The following CCSER1 variants were observed in gnomAD, a reference collection of about 807,000 sequenced individuals.
CCSER1 encodes the protein serine-rich coiled-coil domain-containing protein 1.
A neutral mutation model predicts 82.0 loss-of-function variants in CCSER1; 41 were observed. The ratio of observed to expected loss-of-function variants is 0.50; its 90% CI spans 0.39 to 0.65. The LOEUF (loss-of-function observed/expected upper bound fraction) is 0.65. Ranked by LOEUF, CCSER1 falls within the 30% of genes least tolerant of loss-of-function variation. The pLI is 0.00. For synonymous variants in CCSER1, 414 were observed against 383.9 expected, an observed-to-expected ratio of 1.08 and a Z score of -0.92; for missense variants, 1,119 against 1,064.2, an observed-to-expected ratio of 1.05 and a Z score of -0.72.
rs1365287049 is a variant in CCSER1 at position 90,933,036 on chromosome 4, GAA to G, written c.2172+9591_2172+9592del. On this transcript the variant is annotated intron_variant, in intron 9 of 10. Coordinates refer to ENST00000509176, the MANE Select transcript of CCSER1 (RefSeq NM_001145065.2). ...AGAAAGAAAGAAAGAAAGAAAGAAA[GAA>G]AGAAAGAGAAGGAAGGAACGAAGGA... is the stretch of plus-strand genomic sequence containing the variant. Among the ~76,000 whole-genome samples the G allele has an allele frequency of 1.5e-4, 14 of 96,252 alleles. 4 individuals carry two copies. The East Asian group carries it at 1.6e-3, about 11-fold the overall frequency. 63.1% of individuals were successfully genotyped at this position (96,252 alleles called of 152,430 possible).
chr4:90,208,896 C>T (rs1739432439), intron 1 of CCSER1, among the ~76,000 whole-genome samples: 1 of 152,186 alleles, frequency 6.6e-6, no homozygotes, highest in Admixed American at 6.5e-5. Context: ...CAAAAATCAC[C>T]TGCCTTCTGC....
At chr4:91,250,529 C>A in intron 10 of CCSER1, among the ~76,000 whole-genome samples, 1 of 150,986 alleles carries the variant, frequency 6.6e-6, no homozygotes, top group Non-Finnish European at 1.5e-5. Flanking sequence ...TTTGGATTCC[C>A]CTAAATTTAG....
At chr4:91,134,112 T>A (rs1262238945) in intron 10 of CCSER1, among the ~76,000 whole-genome samples, 1 of 152,032 alleles carries the variant, frequency 6.6e-6, no homozygotes, top group African/African-American at 2.4e-5. Flanking sequence ...AAAAGAGTAG[T>A]GCTCAAAAAA....
At chr4:90,160,176 T>A (rs940337163) in intron 1 of CCSER1, among the ~76,000 whole-genome samples, 2 of 152,164 alleles carry the variant, frequency 1.3e-5, no homozygotes, top group African/African-American at 4.8e-5. Flanking sequence ...AAAACAGTCC[T>A]TAAGAGGGTG....
intron 10 of CCSER1, among the ~76,000 whole-genome samples, chr4:91,330,079 ACTTTTTTCTAATGTAATT>A (rs1746843271): frequency 6.6e-6 from 1 of 151,806 alleles, no homozygotes; most frequent in Non-Finnish European, 1.5e-5. Flanking sequence ...TTTTGCCTTT[ACTTTTTTCTAATGTAATT>A]CTTCAAGTGT....
chr4:90,848,232 C>T (rs1763440209), intron 8 of CCSER1, among the ~76,000 whole-genome samples: 1 of 152,150 alleles, frequency 6.6e-6, no homozygotes, highest in African/African-American at 2.4e-5. Flanking sequence ...GATTTGTACC[C>T]TGGTTTTGTG....
At chr4:91,162,865 T>TC (rs1445125955) in intron 10 of CCSER1, among the ~76,000 whole-genome samples, 1 of 152,188 alleles carries the variant, frequency 6.6e-6, no homozygotes, top group East Asian at 1.9e-4. Flanking sequence ...ATTTTGTTGA[T>TC]CTTTTCAAAA....
intron 10 of CCSER1, among the ~76,000 whole-genome samples, chr4:91,328,944 T>C: frequency 6.6e-6 from 1 of 152,120 alleles, no homozygotes; most frequent in East Asian, 1.9e-4. Context: ...GGAGTTCCCC[T>C]GCAAAAGCTC....
chr4:91,113,484 A>T lies in CCSER1; in HGVS notation c.2217+27490A>T, dbSNP rs572641147. 1.8e-4 allele frequency among the ~76,000 whole-genome samples: 27 copies of T among 152,334 alleles called. No homozygotes were observed. In the South Asian group the frequency reaches 1.9e-3, roughly 11 times the overall value. On this transcript the variant is annotated intron_variant, in intron 10 of 10. Coordinates refer to ENST00000509176, the MANE Select transcript of CCSER1 (RefSeq NM_001145065.2). ...GTGATTAGTAGGTCATACAGCTAGT[A>T]TGATGTAGAGGTGGGATTTAAATTT...
At chr4:90,182,695 A>AT (rs1209064050) in intron 1 of CCSER1, among the ~76,000 whole-genome samples, 4 of 152,126 alleles carry the variant, frequency 2.6e-5, no homozygotes, top group African/African-American at 9.7e-5. Context: ...GGAAAGGAAA[A>AT]TTTAAGGAAA....
chr4:90,844,079 C>T (rs1477524418), intron 8 of CCSER1, among the ~76,000 whole-genome samples: 9 of 151,560 alleles, frequency 5.9e-5, no homozygotes, highest in African/African-American at 1.9e-4. Context: ...TACCACCATT[C>T]AAATCTCCTT....
At chr4:90,203,618 C>A (rs1229097196) in intron 1 of CCSER1, among the ~76,000 whole-genome samples, 2 of 152,086 alleles carry the variant, frequency 1.3e-5, no homozygotes, top group African/African-American at 4.8e-5. Flanking sequence ...GAGTTGGTTC[C>A]AAGTCTTTGC....
intron 10 of CCSER1, among the ~76,000 whole-genome samples, chr4:91,147,935 T>G (rs1729710402): frequency 6.6e-6 from 1 of 152,234 alleles, no homozygotes. Context: ...TTTCTTAAGA[T>G]GTAATGTTTT....
At chr4:90,352,133 GCTAA>G (rs1436302146) in intron 3 of CCSER1, among the ~76,000 whole-genome samples, 1 of 152,092 alleles carries the variant, frequency 6.6e-6, no homozygotes, top group African/African-American at 2.4e-5. Flanking sequence ...AACCATCCTG[GCTAA>G]CACGGTGAAA....
intron 10 of CCSER1, among the ~76,000 whole-genome samples, chr4:91,095,375 C>T (rs1417318154): frequency 6.6e-6 from 1 of 152,216 alleles, no homozygotes; most frequent in Non-Finnish European, 1.5e-5. Flanking sequence ...TGGAACCCCC[C>T]TTTCCCTGCC....
At chr4:91,042,313 C>G (rs1218574073) in intron 9 of CCSER1, among the ~76,000 whole-genome samples, 2 of 152,124 alleles carry the variant, frequency 1.3e-5, no homozygotes, top group African/African-American at 4.8e-5. Context: ...AAGGAGGTGC[C>G]TTCATTCCCC....
intron 5 of CCSER1, among the ~76,000 whole-genome samples, chr4:90,559,759 G>A (rs1441024280): frequency 1.4e-5 from 2 of 139,962 alleles, no homozygotes; most frequent in African/African-American, 5.6e-5. Flanking sequence ...GCAGTGCGCC[G>A]AGATCGCGCC....
chr4:91,429,924 A>G (rs997853678), intron 10 of CCSER1, among the ~76,000 whole-genome samples: 1 of 151,982 alleles, frequency 6.6e-6, no homozygotes, highest in African/African-American at 2.4e-5. Flanking sequence ...TAAACAGACT[A>G]GATAGATCTG....
chr4:91,442,059 T>C (rs901615514), intron 10 of CCSER1, among the ~76,000 whole-genome samples: 10 of 152,096 alleles, frequency 6.6e-5, no homozygotes, highest in African/African-American at 2.2e-4. Flanking sequence ...AGGTAATTTA[T>C]AGATTCAATG....
Sources: allele counts gnomAD v4.1 joint callset (sites outside exome capture counted in the v4.1 genomes callset), GRCh38; gene constraint gnomAD v4.1.1; transcripts MANE v1.5; gene names NCBI Gene and HGNC (gene_info 2026-07-23, HGNC 2026-07-21).